The following PAPPA variants were observed in gnomAD, a reference collection of about 807,000 sequenced individuals.
PAPPA encodes pappalysin 1.
Under a neutral mutation model 164.0 loss-of-function variants are expected in PAPPA, and 60 were observed. That is an observed-to-expected ratio of 0.37 (90% CI 0.30 to 0.45). The LOEUF (loss-of-function observed/expected upper bound fraction) is 0.45, where lower values mean the gene tolerates loss of function less well. Ranked by LOEUF, PAPPA falls within the 20% of genes least tolerant of loss-of-function variation. PAPPA has a pLI of 1.00. For missense variants in PAPPA, 1,782 were observed against 2,087.3 expected, an observed-to-expected ratio of 0.85 and a Z score of 2.85; for synonymous variants, 875 against 814.1, an observed-to-expected ratio of 1.07 and a Z score of -1.27.
intron 9 of PAPPA, among the ~76,000 whole-genome samples, chr9:116,273,999 G>C (rs1203205076): frequency 6.6e-6 from 1 of 151,978 alleles, no homozygotes; most frequent in Non-Finnish European, 1.5e-5. Flanking sequence ...ATGGGGTGAT[G>C]ATCTAAGGAT....
rs1564185696 is a variant in PAPPA at position 116,211,857 on chromosome 9, C to T, written c.1843C>T (p.Pro615Ser). The T allele has an allele frequency of 6.2e-7, 1 of 1,614,030 alleles. No homozygotes were observed. The highest frequency in any genetic ancestry group is 8.5e-7 in the Non-Finnish European group (1 of 1,179,962). Residue 615 changes from proline (P) to serine (S), a missense_variant, in exon 4 of 22, where the codon CCA (proline) becomes TCA (serine). Transcript: ENST00000328252. Reference sequence around the variant, plus strand: ...CCCTAAACACAAGTCCTGTGGTGACCCAGGGCCAGGAAATGACACCTGTGG... The same window carrying T: ...CCCTAAACACAAGTCCTGTGGTGACTCAGGGCCAGGAAATGACACCTGTGG... ...PAPKHKSCGD[P>S]GPGNDTCGFH...
At chr9:116,364,193 C>G (rs1482580339) in intron 18 of PAPPA, among the ~76,000 whole-genome samples, 1 of 152,190 alleles carries the variant, frequency 6.6e-6, no homozygotes, top group African/African-American at 2.4e-5. Flanking sequence ...TGGTCCTGAA[C>G]AAGTATGTCT....
intron 10 of PAPPA, among the ~76,000 whole-genome samples, chr9:116,309,354 G>A (rs1045961615): frequency 6.6e-6 from 1 of 152,138 alleles, no homozygotes; most frequent in African/African-American, 2.4e-5. Flanking sequence ...GGGATTACAG[G>A]TGTGACCCAC....
intron 17 of PAPPA, among the ~76,000 whole-genome samples, chr9:116,356,099 GGA>G (rs1430383528): frequency 6.6e-6 from 1 of 152,068 alleles, no homozygotes; most frequent in Non-Finnish European, 1.5e-5. Context: ...CTGTTGTAGG[GGA>G]GAGTCACACA....
At chr9:116,278,929 G>A (rs1031846775) in intron 9 of PAPPA, among the ~76,000 whole-genome samples, 4 of 152,176 alleles carry the variant, frequency 2.6e-5, no homozygotes, top group Non-Finnish European at 5.9e-5. Flanking sequence ...GTCAGTTAAC[G>A]CCACCTCTTC....
intron 10 of PAPPA, among the ~76,000 whole-genome samples, chr9:116,321,352 G>T (rs570023964): frequency 6.6e-6 from 1 of 152,152 alleles, no homozygotes; most frequent in Non-Finnish European, 1.5e-5. Flanking sequence ...ATCTAAGCTG[G>T]ACCTTCCTCT....
At chr9:116,188,301 G>A (rs1019203790) in intron 2 of PAPPA, 85 bp downstream of exon 2, 2 of 942,250 alleles carry the variant, frequency 2.1e-6, no homozygotes, top group Non-Finnish European at 3.2e-6. Context: ...TGAGGCCAGT[G>A]GGTGATATGG....
At chr9:116,376,396 A>C (rs1846654342) in intron 19 of PAPPA, among the ~76,000 whole-genome samples, 1 of 152,030 alleles carries the variant, frequency 6.6e-6, no homozygotes, top group Non-Finnish European at 1.5e-5. Flanking sequence ...TTCTTATTTC[A>C]CCCACTTTTT....
intron 1 of PAPPA, among the ~76,000 whole-genome samples, chr9:116,171,449 G>A (rs1161640248): frequency 6.6e-6 from 1 of 152,118 alleles, no homozygotes; most frequent in Non-Finnish European, 1.5e-5. Flanking sequence ...CATGGTCCAA[G>A]GCTCTAGGAC....
intron 8 of PAPPA, among the ~76,000 whole-genome samples, chr9:116,267,446 T>G (rs559148628): frequency 3.5e-4 from 53 of 152,376 alleles, no homozygotes; most frequent in African/African-American, 1.2e-3. Flanking sequence ...ATCAGATGAT[T>G]GGTAAATTAT....
At chr9:116,162,724 G>A (rs1321160929) in intron 1 of PAPPA, among the ~76,000 whole-genome samples, 4 of 152,124 alleles carry the variant, frequency 2.6e-5, no homozygotes, top group African/African-American at 4.8e-5. Context: ...CCCAGCAAAC[G>A]TTAACTCATA....
At chr9:116,206,214 A>G (rs928565746) in intron 2 of PAPPA, among the ~76,000 whole-genome samples, 3 of 152,136 alleles carry the variant, frequency 2.0e-5, no homozygotes, top group African/African-American at 7.2e-5. Flanking sequence ...CTAGACATAA[A>G]TGTAAGCTCT....
intron 2 of PAPPA, among the ~76,000 whole-genome samples, chr9:116,195,675 C>T (rs1403198600): frequency 1.3e-5 from 2 of 152,130 alleles, no homozygotes; most frequent in Non-Finnish European, 2.9e-5. Context: ...CTGAAAATAG[C>T]AGTTGTTATT....
At position 116,154,158 on chromosome 9, in the gene PAPPA, G is replaced by A; in HGVS notation, c.-15G>A. 1 of 1,444,026 alleles carries A rather than the reference G, an allele frequency of 6.9e-7. No individual in the cohort carries two copies. The highest frequency in any genetic ancestry group is 9.2e-7 in the Non-Finnish European group (1 of 1,090,668). The allele number at this position is 1,444,026 out of a possible 1,614,324, so 89.5% of individuals were successfully genotyped here. A position where few individuals can be genotyped will look rare whatever the true frequency, so the allele number is the denominator to read the frequency against. ...CGGTGCAGGGGCGAAGGGGGGGCGGGGGGAACCGTCGGACATGCGGCTCTG... is the reference window on the plus strand; with the variant it reads ...CGGTGCAGGGGCGAAGGGGGGGCGGAGGGAACCGTCGGACATGCGGCTCTG... On this transcript the variant is annotated 5_prime_UTR_variant, in exon 1 of 22. Transcript: ENST00000328252. The surrounding 1 kb of genome is among the most constrained non-coding windows in gnomAD (Gnocchi z 5.2).
At chr9:116,195,206 G>A (rs1311473912) in intron 2 of PAPPA, among the ~76,000 whole-genome samples, 1 of 152,052 alleles carries the variant, frequency 6.6e-6, no homozygotes, top group African/African-American at 2.4e-5. Context: ...TCACACATAT[G>A]GTTTGATTTT....
chr9:116,177,169 C>T (rs1357947337), intron 1 of PAPPA, among the ~76,000 whole-genome samples: 4 of 152,088 alleles, frequency 2.6e-5, no homozygotes, highest in African/African-American at 9.7e-5. Flanking sequence ...TTCTTGGATG[C>T]TTATTGTACA....
chr9:116,321,344 C>T lies in PAPPA; in HGVS notation c.3148-9900C>T, dbSNP rs114822747. ...GCCTGGCCATACATTCGCTTAGCAT[C>T]TAAGCTGGACCTTCCTCTGCTCTTA... is the stretch of plus-strand genomic sequence containing the variant. On this transcript the variant is annotated intron_variant, in intron 10 of 21. Coordinates refer to ENST00000328252, the MANE Select transcript of PAPPA (RefSeq NM_002581.5). Among the ~76,000 whole-genome samples, 1,498 of 152,300 alleles carry T rather than the reference C, an allele frequency of 9.8e-3. 25 individuals are homozygous for T. The highest frequency in any genetic ancestry group is 0.034 in the African/African-American group (1,429 of 41,552).
At chr9:116,281,264 G>A (rs894655921) in intron 9 of PAPPA, among the ~76,000 whole-genome samples, 3 of 152,098 alleles carry the variant, frequency 2.0e-5, no homozygotes, top group African/African-American at 4.8e-5. Flanking sequence ...GTGTAAGCGG[G>A]TAAAAGTATA....
At chr9:116,313,327 T>C (rs368919056) in intron 10 of PAPPA, among the ~76,000 whole-genome samples, 20 of 152,116 alleles carry the variant, frequency 1.3e-4, no homozygotes, top group African/African-American at 4.3e-4. Flanking sequence ...ACATGACTCA[T>C]ATGTGCAGGT....
Sources: gnomAD v4.1 joint callset for allele counts (sites outside exome capture counted in the v4.1 genomes callset) on GRCh38, gnomAD v4.1.1 for gene constraint, Gnocchi (gnomAD v3.1) non-coding constraint, MANE v1.5 for transcripts, NCBI Gene and HGNC (gene_info 2026-07-23, HGNC 2026-07-21) for gene names.